MYO3B: variants seen among roughly 807,000 people sequenced by gnomAD.
MYO3B encodes the protein myosin IIIB.
In MYO3B, 156 loss-of-function variants were observed where a neutral mutation model predicts 174.6. The observed-to-expected ratio is 0.89, with a 90% confidence interval of 0.78 to 1.02. The LOEUF (loss-of-function observed/expected upper bound fraction) is 1.02. Among genes scored for constraint, MYO3B ranks in the 50% least tolerant of loss-of-function variants. MYO3B has a pLI of 0.00. For missense variants in MYO3B, 1,632 were observed against 1,639.4 expected, an observed-to-expected ratio of 1.00 and a Z score of 0.08; for synonymous variants, 563 against 569.1, an observed-to-expected ratio of 0.99 and a Z score of 0.15.
intron 7 of MYO3B, among the ~76,000 whole-genome samples, chr2:170,330,557 T>A (rs1032591757): frequency 6.6e-6 from 1 of 152,222 alleles, no homozygotes; most frequent in African/African-American, 2.4e-5. Flanking sequence ...TGTGAAGCAC[T>A]TGGCATGAAG....
intron 16 of MYO3B, 61 bp downstream of exon 16, chr2:170,392,556 A>T (rs1273131876): frequency 5.5e-6 from 6 of 1,099,410 alleles, no homozygotes; most frequent in African/African-American, 3.2e-5. Context: ...GTGAGTAAAG[A>T]TGTGGTATTT....
At chr2:170,549,344 C>T (rs779494674) in intron 32 of MYO3B, among the ~76,000 whole-genome samples, 1 of 152,168 alleles carries the variant, frequency 6.6e-6, no homozygotes, top group African/African-American at 2.4e-5. Flanking sequence ...GAGGGGGTCA[C>T]AGTTGGCAAA....
Position 170,323,902 on chromosome 2 carries a change from G to A in MYO3B, c.750-11483G>A, listed in dbSNP as rs10185025. Among the ~76,000 whole-genome samples the A allele has an allele frequency of 9.9e-3, 1,505 of 152,224 alleles. 27 individuals carry two copies. Among genetic ancestry groups the A allele is most frequent in the African/African-American group, 0.035 (1,452 of 41,536 alleles). On this transcript the variant is annotated intron_variant, in intron 7 of 34. Coordinates refer to ENST00000408978, the MANE Select transcript of MYO3B (RefSeq NM_138995.5). ...TCCTGACTGGACCTAAAAGAGCCAG[G>A]GGGAGACCCATGAATCAGCTCCCTT...
chr2:170,329,141 G>T (rs2093891589), intron 7 of MYO3B, among the ~76,000 whole-genome samples: 1 of 144,188 alleles, frequency 6.9e-6, no homozygotes, highest in African/African-American at 2.9e-5. Flanking sequence ...GACTGAGTGA[G>T]ACTCTGTCTC....
intron 22 of MYO3B, among the ~76,000 whole-genome samples, chr2:170,419,842 G>A (rs2094603931): frequency 6.6e-6 from 1 of 152,144 alleles, no homozygotes; most frequent in Non-Finnish European, 1.5e-5. Context: ...GGGGCAGAAG[G>A]AAAGTGGGGA....
chr2:170,363,027 T>C (rs906448158), intron 8 of MYO3B, among the ~76,000 whole-genome samples: 46 of 152,250 alleles, frequency 3.0e-4, no homozygotes, highest in African/African-American at 1.1e-3. Flanking sequence ...TAGAGGCCTC[T>C]TTGTCAGTCA....
At chr2:170,280,878 G>T (rs925915043) in intron 7 of MYO3B, among the ~76,000 whole-genome samples, 4 of 152,074 alleles carry the variant, frequency 2.6e-5, no homozygotes, top group African/African-American at 9.7e-5. Context: ...GGTTACTGTA[G>T]CCCTGTAGTA....
intron 32 of MYO3B, among the ~76,000 whole-genome samples, chr2:170,590,882 A>AAT (rs1693782152): frequency 6.6e-6 from 1 of 152,122 alleles, no homozygotes; most frequent in African/African-American, 2.4e-5. Flanking sequence ...GTTTGGCCGC[A>AAT]ATACTCTACA....
At chr2:170,634,426 C>T (rs559341745) in intron 32 of MYO3B, among the ~76,000 whole-genome samples, 6 of 152,098 alleles carry the variant, frequency 3.9e-5, no homozygotes, top group African/African-American at 7.2e-5. Flanking sequence ...ATGTAGAAAG[C>T]GGAAACTGGA....
rs759817775 is a variant in MYO3B, at chr2:170,401,686, CAT to C, written c.2127_2128del (p.Ile709MetfsTer2). ...ATACACTCCTGCAGCCAGACGAAAA[CAT>C]ATGGCAAGTTCCTCGGAGAGCAGAG... is the stretch of plus-strand genomic sequence containing the variant. ...INTLLQPDEN[I>X]CSAGGGMNVG... On this transcript the variant is annotated frameshift_variant, in exon 18 of 35. Transcript: ENST00000408978. LOFTEE classifies it high-confidence loss of function. The C allele has an allele frequency of 5.9e-5, 95 of 1,613,380 alleles. No individual in the cohort carries two copies. Among genetic ancestry groups the C allele is most frequent in the Non-Finnish European group, 7.8e-5 (92 of 1,179,952 alleles).
intron 32 of MYO3B, among the ~76,000 whole-genome samples, chr2:170,622,680 A>G (rs961519279): frequency 6.6e-6 from 1 of 151,282 alleles, no homozygotes. Flanking sequence ...CCATTAACTC[A>G]TCATTTACAT....
In MYO3B at chr2:170,563,147, T is replaced by C. The variant is rs12997991; in HGVS notation, c.3733+19159T>C. On this transcript the variant is annotated intron_variant, in intron 32 of 34. Transcript: ENST00000408978. ...ACACACACACACACACACACACACA[T>C]ACACACACACACCCCAAGAATCAAA... Among the ~76,000 whole-genome samples, 728 of 117,992 alleles carry C rather than the reference T, an allele frequency of 6.2e-3. 2 individuals are homozygous for C. Among genetic ancestry groups the C allele is most frequent in the African/African-American group, 0.023 (608 of 26,186 alleles). 77.4% of individuals were successfully genotyped at this position (117,992 alleles called of 152,430 possible). A position where few individuals can be genotyped will look rare whatever the true frequency, so the allele number is the denominator to read the frequency against.
At chr2:170,518,121 A>G (rs1575106594) in intron 29 of MYO3B, among the ~76,000 whole-genome samples, 1 of 152,280 alleles carries the variant, frequency 6.6e-6, no homozygotes, top group East Asian at 1.9e-4. Context: ...TAGCTCAAAG[A>G]ATTGCATTTA....
In MYO3B at chr2:170,525,819, G is replaced by C. The variant is rs561329335; in HGVS notation, c.3575+6279G>C. Among the ~76,000 whole-genome samples, 136 of 152,324 alleles carry C rather than the reference G, an allele frequency of 8.9e-4. 1 individual carries two copies. The highest frequency in any genetic ancestry group is 3.1e-3 in the African/African-American group (129 of 41,560). On this transcript the variant is annotated intron_variant, in intron 30 of 34. Transcript: ENST00000408978. ...CCGACTGTGGGCCAGATTTTCATGT[G>C]GGCTGTGAAGTACAGATTGTCACAT...
At chr2:170,354,339 G>A (rs1283542686) in intron 8 of MYO3B, among the ~76,000 whole-genome samples, 3 of 152,094 alleles carry the variant, frequency 2.0e-5, no homozygotes, top group Non-Finnish European at 2.9e-5. Context: ...AGATGGGTGG[G>A]TAAGTGGTCC....
At chr2:170,178,561 C>T (rs71412030) in intron 1 of MYO3B, among the ~76,000 whole-genome samples, 56,612 of 151,650 alleles carry the variant, frequency 0.37, 10,667 homozygotes, top group African/African-American at 0.41. Flanking sequence ...CACACACACA[C>T]ACACACACAC....
At position 170,313,550 on chromosome 2, in the gene MYO3B, A is replaced by AG. The variant is rs1574768155; in HGVS notation, c.750-21835_750-21834insG. Among the ~76,000 whole-genome samples, 6 of 152,226 alleles carry AG rather than the reference A, an allele frequency of 3.9e-5. No homozygotes were observed. In the East Asian group the frequency reaches 9.7e-4, roughly 24 times the overall value. On this transcript the variant is annotated intron_variant, in intron 7 of 34. Transcript: ENST00000408978. ...GCATCTCTGCACTTGAACACTCAAA[A>AG]TGTTCCTGAAAGGGACCTACATTAT...
chr2:170,246,529 GACACACACACAC>G (rs58936698), intron 7 of MYO3B, among the ~76,000 whole-genome samples: 12 of 140,178 alleles, frequency 8.6e-5, no homozygotes, highest in African/African-American at 2.1e-4. Context: ...TTTGGACATG[GACACACACACAC>G]ACACACACAC....
At chr2:170,446,042 AG>A (rs1274116537) in intron 23 of MYO3B, among the ~76,000 whole-genome samples, 1 of 152,252 alleles carries the variant, frequency 6.6e-6, no homozygotes, top group Non-Finnish European at 1.5e-5. Context: ...GACCTCAAAA[AG>A]GACACTTGTT....
Sources: allele counts gnomAD v4.1 joint callset (sites outside exome capture counted in the v4.1 genomes callset), GRCh38; gene constraint gnomAD v4.1.1; transcripts MANE v1.5; gene names NCBI Gene and HGNC (gene_info 2026-07-23, HGNC 2026-07-21).